MFSD11: variants seen among roughly 807,000 people sequenced by gnomAD.
The protein encoded by MFSD11 is major facilitator superfamily domain containing 11.
MFSD11 carries 36 observed loss-of-function variants against 53.5 expected under a neutral mutation model. The ratio of observed to expected loss-of-function variants is 0.67; its 90% CI spans 0.52 to 0.89. The LOEUF (loss-of-function observed/expected upper bound fraction) is 0.89, where lower values mean the gene tolerates loss of function less well. Among genes scored for constraint, MFSD11 ranks in the 40% least tolerant of loss-of-function variants. The pLI is 0.00. For missense variants in MFSD11, 530 were observed against 543.9 expected (o/e 0.97, Z 0.25); for synonymous variants, 186 against 184.9 (o/e 1.01, Z -0.05).
At chr17:76,793,437 G>T in the MFSD11 span, among the ~76,000 whole-genome samples, 1 of 151,488 alleles carries the variant, frequency 6.6e-6, no homozygotes, top group Non-Finnish European at 1.5e-5. Context: ...AGCGGTCAGA[G>T]TTTAAGGTTA....
the MFSD11 span, among the ~76,000 whole-genome samples, chr17:76,800,948 G>A: frequency 6.6e-6 from 1 of 151,926 alleles, no homozygotes; most frequent in Non-Finnish European, 1.5e-5. Flanking sequence ...GCAGCAGCAC[G>A]TGCCTGTGAT....
intron 8 of MFSD11, among the ~76,000 whole-genome samples, chr17:76,755,731 T>C (rs1386122034): frequency 7.4e-6 from 1 of 135,738 alleles, no homozygotes; most frequent in African/African-American, 2.6e-5. Context: ...TGTGTATATG[T>C]ATATATATGT....
At chr17:76,791,666 T>C in the MFSD11 span, among the ~76,000 whole-genome samples, 2 of 148,926 alleles carry the variant, frequency 1.3e-5, 1 homozygote, top group African/African-American at 5.0e-5. Flanking sequence ...CCCCCCAAGC[T>C]GTACCCTATT....
intron 10 of MFSD11, among the ~76,000 whole-genome samples, chr17:76,774,627 T>C (rs1346901537): frequency 6.6e-6 from 1 of 152,190 alleles, no homozygotes; most frequent in Non-Finnish European, 1.5e-5. Context: ...TGCCTTTCAG[T>C]GTGATACCTT....
the MFSD11 span, among the ~76,000 whole-genome samples, chr17:76,797,389 A>T: frequency 6.6e-6 from 1 of 152,158 alleles, no homozygotes; most frequent in Non-Finnish European, 1.5e-5. Flanking sequence ...GATATAGGGT[A>T]ACTTCTGGGC....
chr17:76,739,645 A>G (rs368873252), intron 2 of MFSD11, among the ~76,000 whole-genome samples: 3 of 152,316 alleles, frequency 2.0e-5, no homozygotes, highest in South Asian at 4.1e-4. Context: ...AATATGTGCC[A>G]TGGAATGGCT....
rs886114908 is a variant in MFSD11, at chr17:76,776,302, G to A, written c.1050-104G>A. On this transcript the variant is annotated intron_variant, in intron 11 of 12. Transcript: ENST00000685175. The surrounding 1 kb of genome is among the most constrained non-coding windows in gnomAD (Gnocchi z 4.2). The stretch of plus-strand genomic sequence containing the variant: ...TTTGTCTTTATTTTTGTTTCATAGT[G>A]TTTACAACTTGCAGGTAGAATTCTT... The A allele has an allele frequency of 3.9e-6, 5 of 1,266,826 alleles. No individual in the cohort carries two copies. In the East Asian group the frequency reaches 7.1e-5, roughly 18 times the overall value. 78.5% of individuals were successfully genotyped at this position (1,266,826 alleles called of 1,614,324 possible). A position where few individuals can be genotyped will look rare whatever the true frequency, so the allele number is the denominator to read the frequency against.
chr17:76,794,679 CT>C, the MFSD11 span, among the ~76,000 whole-genome samples: 3 of 40,464 alleles, frequency 7.4e-5, no homozygotes, highest in East Asian at 7.4e-4. Context: ...AAGATGTACT[CT>C]TTTTTTTTTT....
the MFSD11 span, among the ~76,000 whole-genome samples, chr17:76,790,598 G>A: frequency 1.2e-4 from 18 of 147,014 alleles, no homozygotes; most frequent in Admixed American, 2.7e-4. Flanking sequence ...GATTACAGGC[G>A]TGAGCCACCG....
At chr17:76,763,434 T>C (rs1273825315) in intron 8 of MFSD11, among the ~76,000 whole-genome samples, 2 of 152,058 alleles carry the variant, frequency 1.3e-5, no homozygotes, top group African/African-American at 4.8e-5. Flanking sequence ...CGGCTAACTG[T>C]TATATTTTTT....
At chr17:76,754,572 T>C (rs2079383670) in intron 8 of MFSD11, among the ~76,000 whole-genome samples, 1 of 151,192 alleles carries the variant, frequency 6.6e-6, no homozygotes, top group Non-Finnish European at 1.5e-5. Flanking sequence ...TAGTCCCAGC[T>C]ACTCAGGAGG....
chr17:76,759,268 C>T (rs565232724), intron 8 of MFSD11, among the ~76,000 whole-genome samples: 2 of 151,434 alleles, frequency 1.3e-5, no homozygotes, highest in Non-Finnish European at 2.9e-5. Context: ...AAATAAAATA[C>T]AATAAAATAT....
chr17:76,786,426 G>A (rs1481920019), downstream of MFSD11, among the ~76,000 whole-genome samples: 1 of 152,156 alleles, frequency 6.6e-6, no homozygotes, highest in African/African-American at 2.4e-5. Flanking sequence ...ACAGGCATAA[G>A]CCACCACACC....
downstream of MFSD11, among the ~76,000 whole-genome samples, chr17:76,781,885 A>G (rs2082171757): frequency 6.6e-6 from 1 of 151,998 alleles, no homozygotes; most frequent in African/African-American, 2.4e-5. Flanking sequence ...ACAGTGGCAC[A>G]GTCATGGCTC....
At position 76,742,219 on chromosome 17, in the gene MFSD11, A is replaced by G; in HGVS notation, c.383A>G (p.Asp128Gly). Reference sequence around the variant, plus strand: ...GGAAACTGCCTGACAATCAATTCGGATGAGCACAGCATTGGGAGAAACAGT... The same window carrying G: ...GGAAACTGCCTGACAATCAATTCGGGTGAGCACAGCATTGGGAGAAACAGT... Reference protein sequence around the residue: ...AQGNCLTINSDEHSIGRNSGI... With the variant: ...AQGNCLTINSGEHSIGRNSGI... Residue 128 changes from aspartate to glycine, a missense_variant, in exon 5 of 13, where the codon GAT becomes GGT. By Grantham distance (94) the Asp-to-Gly change is moderately conservative. Transcript: ENST00000685175. 1 of 1,614,210 alleles carries G rather than the reference A, an allele frequency of 6.2e-7. No homozygotes were observed. Among genetic ancestry groups the G allele is most frequent in the African/African-American group, 1.3e-5 (1 of 75,058 alleles).
downstream of MFSD11, among the ~76,000 whole-genome samples, chr17:76,786,341 C>T (rs1441571850): frequency 5.3e-5 from 8 of 151,950 alleles, no homozygotes; most frequent in Non-Finnish European, 1.2e-4. Flanking sequence ...GACAGGGTTT[C>T]GCCATGTTGG....
At chr17:76,777,581 T>C (rs2144947426) in intron 12 of MFSD11, among the ~76,000 whole-genome samples, 1 of 152,232 alleles carries the variant, frequency 6.6e-6, no homozygotes, top group East Asian at 1.9e-4. Context: ...CTCTTTTTTT[T>C]TCCTTTTTTT....
chr17:76,760,637 TCTCCTGCCTCAGG>T (rs1011334376), intron 8 of MFSD11, among the ~76,000 whole-genome samples: 4 of 151,916 alleles, frequency 2.6e-5, no homozygotes, highest in African/African-American at 7.3e-5. Flanking sequence ...TTCAAGGGAT[TCTCCTGCCTCAGG>T]CTCCTGAGTA....
chr17:76,758,067 A>G (rs2079828784), intron 8 of MFSD11, among the ~76,000 whole-genome samples: 1 of 152,204 alleles, frequency 6.6e-6, no homozygotes, highest in Non-Finnish European at 1.5e-5. Flanking sequence ...AGTAAACACT[A>G]AAACCTATTG....
Sources: allele counts gnomAD v4.1 joint callset (sites outside exome capture counted in the v4.1 genomes callset), GRCh38; gene constraint gnomAD v4.1.1; non-coding constraint Gnocchi (gnomAD v3.1); transcripts MANE v1.5; gene names NCBI Gene and HGNC (gene_info 2026-07-23, HGNC 2026-07-21).